Variants in CHD5 observed in about 807,000 individuals in gnomAD.
CHD5 encodes ATP-dependent chromatin remodeler CHD5.
In CHD5, 69 loss-of-function variants were observed where a neutral mutation model predicts 230.3. The ratio of observed to expected loss-of-function variants is 0.30; its 90% confidence interval spans 0.25 to 0.37. The LOEUF is 0.37. CHD5 is among the 10% of genes least tolerant of loss of function. CHD5 has a pLI of 1.00. For missense variants in CHD5, 1,827 were observed against 2,622.8 expected (o/e 0.70, Z 6.63); for synonymous variants, 1,064 against 1,065.9 (o/e 1.00, Z 0.03).
rs894992540 is a variant in CHD5 at position 6,128,433 on chromosome 1, C to A, written c.3730+66G>T. ...CCCAAGTGAGGGCAGGTCAGGGAAC[C>A]CCTCCTCTGCAGGAGCAGCCACCTG... is the stretch of plus-strand genomic sequence containing the variant. On this transcript the variant is annotated intron_variant, in intron 24 of 41. Transcript: ENST00000262450. The surrounding 1 kb of genome is among the most constrained non-coding windows in gnomAD (Gnocchi z 7.8). 1.2e-5 allele frequency: 16 copies of A among 1,375,306 alleles called. No homozygotes were observed. The highest frequency in any genetic ancestry group is 1.4e-5 in the Non-Finnish European group (14 of 973,618). The allele number at this position is 1,375,306 out of a possible 1,614,324, so 85.2% of individuals were successfully genotyped here. A position where few individuals can be genotyped will look rare whatever the true frequency, so the allele number is the denominator to read the frequency against.
intron 15 of CHD5, 125 bp from the exon 16 acceptor site, chr1:6,136,990 C>T (rs1334065888): frequency 6.7e-6 from 7 of 1,047,618 alleles, no homozygotes; most frequent in Non-Finnish European, 8.0e-6. Flanking sequence ...AGCCCTGGGC[C>T]GGCCAGCCTA....
rs566763599 is a variant in CHD5, at chr1:6,105,730, G to C, written c.*47-303C>G. On this transcript the variant is annotated intron_variant, in intron 41 of 41. Transcript: ENST00000262450. The surrounding 1 kb of genome is among the most constrained non-coding windows in gnomAD (Gnocchi z 4.8). Reference sequence around the variant, plus strand: ...AGCGTAGTGGAGGCTGGTGGCCCCAGAGAAGACCAGAATGAACTGGCAGTT... The same window carrying C: ...AGCGTAGTGGAGGCTGGTGGCCCCACAGAAGACCAGAATGAACTGGCAGTT... Among the ~76,000 whole-genome samples, 17 of 152,330 alleles carry C rather than the reference G, an allele frequency of 1.1e-4. No homozygotes were observed. The highest frequency in any genetic ancestry group is 4.1e-4 in the African/African-American group (17 of 41,568).
intron 11 of CHD5, among the ~76,000 whole-genome samples, 165 bp from the exon 12 acceptor site, chr1:6,144,320 C>T (rs1666877619): frequency 6.6e-6 from 1 of 152,114 alleles, no homozygotes; most frequent in African/African-American, 2.4e-5. Flanking sequence ...GGAGGTGCAG[C>T]GGCTTGCCTG....
intron 1 of CHD5, among the ~76,000 whole-genome samples, chr1:6,178,124 G>A (rs940031811): frequency 7.2e-5 from 11 of 152,190 alleles, no homozygotes; most frequent in African/African-American, 2.7e-4. Flanking sequence ...CAGGCCAGAG[G>A]TGCCAGAGCA....
intron 31 of CHD5, among the ~76,000 whole-genome samples, chr1:6,123,285 T>C (rs929957978): frequency 6.6e-6 from 1 of 152,026 alleles, no homozygotes; most frequent in Non-Finnish European, 1.5e-5. Context: ...AGCAGGTTAG[T>C]GGCTGCCCAG....
At chr1:6,112,117 T>C (rs758293311) in intron 35 of CHD5, 23 bp downstream of exon 35, 1 of 1,610,372 alleles carries the variant, frequency 6.2e-7, no homozygotes, top group East Asian at 2.2e-5. Flanking sequence ...CTCAGCTCTC[T>C]GCCCAACCCC....
At chr1:6,132,792 C>T (rs976461810) in intron 20 of CHD5, among the ~76,000 whole-genome samples, 11 of 152,068 alleles carry the variant, frequency 7.2e-5, no homozygotes, top group Non-Finnish European at 1.5e-5. Context: ...TGCTTAATTT[C>T]TTCTTTATTT....
At chr1:6,158,549 C>T (rs1051120592) in intron 3 of CHD5, among the ~76,000 whole-genome samples, 1 of 152,222 alleles carries the variant, frequency 6.6e-6, no homozygotes, top group African/African-American at 2.4e-5. Flanking sequence ...GTGATGCGTG[C>T]CTGTAGTACC....
intron 36 of CHD5, 94 bp from the exon 37 acceptor site, chr1:6,110,620 G>T (rs1331736266): frequency 2.2e-6 from 3 of 1,366,040 alleles, no homozygotes; most frequent in East Asian, 4.9e-5. Context: ...CCAGCCCGGG[G>T]GTCGGCATTC....
intron 17 of CHD5, 28 bp downstream of exon 17, chr1:6,136,489 C>T (rs775421596): frequency 6.2e-7 from 1 of 1,609,288 alleles, no homozygotes; most frequent in Non-Finnish European, 8.5e-7. Flanking sequence ...CCCACCACCA[C>T]CTCCCTAGCC....
chr1:6,154,847 G>A lies in CHD5; in HGVS notation c.558C>T (p.Thr186=), dbSNP rs369722103. Residue 186 remains threonine, a synonymous_variant, in exon 5 of 42, where the codon ACC becomes ACT. Transcript: ENST00000262450. This position sits in a 1 kb window ranked among gnomAD's most constrained non-coding sequence, Gnocchi z 7.0. ...NPKIPMSKMM[T]VLGAKWREFS... ...ACTCCCGCCACTTGGCACCCAGGAC[G>A]GTCATCATTTTGGACATGGGGATCT... The A allele has an allele frequency of 1.4e-5, 22 of 1,613,908 alleles. No homozygotes were observed. The highest frequency in any genetic ancestry group is 1.6e-4 in the Middle Eastern group (1 of 6,082).
intron 2 of CHD5, among the ~76,000 whole-genome samples, chr1:6,164,920 C>T (rs763051392): frequency 3.3e-5 from 5 of 151,924 alleles, no homozygotes; most frequent in African/African-American, 4.8e-5. Flanking sequence ...AGAGAAAAGA[C>T]GGCAAAGGAG....
At chr1:6,150,287 C>A (rs1041743027) in intron 7 of CHD5, among the ~76,000 whole-genome samples, 1 of 137,272 alleles carries the variant, frequency 7.3e-6, no homozygotes, top group Non-Finnish European at 1.5e-5. Context: ...GATGGATGGA[C>A]AAATGGATGA....
At position 6,173,173 on chromosome 1, in the gene CHD5, C is replaced by T. The variant is rs758447105; in HGVS notation, c.80-4896G>A. Among the ~76,000 whole-genome samples the T allele has an allele frequency of 5.8e-4, 88 of 151,126 alleles. 1 individual carries two copies. Among genetic ancestry groups the T allele is most frequent in the Non-Finnish European group, 9.9e-4 (67 of 67,742 alleles). On this transcript the variant is annotated intron_variant, in intron 1 of 41. Coordinates refer to ENST00000262450, the MANE Select transcript of CHD5 (RefSeq NM_015557.3). ...AGGCTGGAGTGCAGTGGCGCGATCTCGGCTCACTGCAAGCTCCGCCTCCCA... is the reference window on the plus strand; with the variant it reads ...AGGCTGGAGTGCAGTGGCGCGATCTTGGCTCACTGCAAGCTCCGCCTCCCA...
At chr1:6,151,198 A>G (rs746618765) in intron 6 of CHD5, 43 bp from the exon 7 acceptor site, 65 of 1,567,676 alleles carry the variant, frequency 4.1e-5, no homozygotes, top group Non-Finnish European at 5.3e-5. Flanking sequence ...GGCTTCACCC[A>G]GAAGGCTTCG....
Position 6,146,855 on chromosome 1 carries a change from C to A in CHD5, c.1400G>T (p.Gly467Val). 1 of 1,520,600 alleles carries A rather than the reference C, an allele frequency of 6.6e-7. No homozygotes were observed. The highest frequency in any genetic ancestry group is 1.3e-5 in the South Asian group (1 of 76,812). 94.2% of individuals were successfully genotyped at this position (1,520,600 alleles called of 1,614,324 possible). A position where few individuals can be genotyped will look rare whatever the true frequency, so the allele number is the denominator to read the frequency against. The change falls in exon 10 of 42, where the codon GGC (glycine) becomes GTC (valine). Residue 467 changes from glycine to valine, a missense_variant. Coordinates refer to ENST00000262450, the MANE Select transcript of CHD5 (RefSeq NM_015557.3). The surrounding 1 kb of genome is among the most constrained non-coding windows in gnomAD (Gnocchi z 5.1). Reference sequence around the variant, plus strand: ...CCAGTGTAGAATCCGCTGGACTTTGCCCTTCAGTGGGGGGCACTGTGGACA... The same window carrying A: ...CCAGTGTAGAATCCGCTGGACTTTGACCTTCAGTGGGGGGCACTGTGGACA... ...CPRCTCPPLK[G>V]KVQRILHWRW...
At chr1:6,151,895 A>C (rs1452636100) in intron 6 of CHD5, among the ~76,000 whole-genome samples, 2 of 152,142 alleles carry the variant, frequency 1.3e-5, no homozygotes, top group African/African-American at 4.8e-5. Context: ...AAGGCTGAGT[A>C]AGACCTGGGC....
At position 6,167,369 on chromosome 1, in the gene CHD5, G is replaced by C. The variant is rs1026832953; in HGVS notation, c.207+781C>G. Among the ~76,000 whole-genome samples the C allele has an allele frequency of 6.6e-6, 1 of 152,150 alleles. No homozygotes were observed. Among genetic ancestry groups the C allele is most frequent in the Non-Finnish European group, 1.5e-5 (1 of 68,028 alleles). ...GTGCTTGCCATTGCTCTCAACATAG[G>C]GTCGCTTGGAGGATCAGAGGAGACG... On this transcript the variant is annotated intron_variant, in intron 2 of 41. Transcript: ENST00000262450. The surrounding 1 kb of genome is among the most constrained non-coding windows in gnomAD (Gnocchi z 4.5).
rs558207152 is a variant in CHD5 at position 6,134,911 on chromosome 1, G to T, written c.2871-52C>A. On this transcript the variant is annotated intron_variant, in intron 18 of 41. Transcript: ENST00000262450. The surrounding 1 kb of genome is among the most constrained non-coding windows in gnomAD (Gnocchi z 6.3). ...GCTGGGTCAGACCCGCCTCCATGAG[G>T]GCTCTCTCTGCTCTGCAGTGGGGCT... is the stretch of plus-strand genomic sequence containing the variant. 6.2e-7 allele frequency: 1 copy of T among 1,609,054 alleles called. No homozygotes were observed. Among genetic ancestry groups the T allele is most frequent in the East Asian group, 2.2e-5 (1 of 44,856 alleles).
Sources: gnomAD v4.1 joint callset for allele counts (sites outside exome capture counted in the v4.1 genomes callset) on GRCh38, gnomAD v4.1.1 for gene constraint, Gnocchi (gnomAD v3.1) non-coding constraint, MANE v1.5 for transcripts, NCBI Gene and HGNC (gene_info 2026-07-23, HGNC 2026-07-21) for gene names.